RPS6KA2: variants seen among roughly 807,000 people sequenced by gnomAD.
RPS6KA2 encodes the protein ribosomal protein S6 kinase alpha-2.
Under a neutral mutation model 91.8 loss-of-function variants are expected in RPS6KA2, and 42 were observed. The ratio of observed to expected loss-of-function variants is 0.46; its 90% CI spans 0.36 to 0.59. The LOEUF is 0.59. Ranked by LOEUF, RPS6KA2 falls within the 20% of genes least tolerant of loss-of-function variation. The probability of loss-of-function intolerance (pLI) is 0.00; values close to 1 mark genes in which losing one functional copy is unlikely to be tolerated. For synonymous variants in RPS6KA2, 414 were observed against 393.6 expected (o/e 1.05, Z -0.61); for missense variants, 798 against 978.5 (o/e 0.82, Z 2.46).
chr6:166,439,185 G>A (rs1779440437), intron 14 of RPS6KA2, among the ~76,000 whole-genome samples: 1 of 152,132 alleles, frequency 6.6e-6, no homozygotes, highest in Non-Finnish European at 1.5e-5. Flanking sequence ...TCGGCTCACT[G>A]CAACTTCTGC....
chr6:166,683,856 TGG>T (rs1312787367), intron 2 of RPS6KA2, among the ~76,000 whole-genome samples: 1 of 152,182 alleles, frequency 6.6e-6, no homozygotes, highest in Non-Finnish European at 1.5e-5. Flanking sequence ...GAGAGGTCCT[TGG>T]GGTGTTCGGC....
intron 2 of RPS6KA2, among the ~76,000 whole-genome samples, chr6:166,653,104 A>G (rs1008729991): frequency 6.6e-6 from 1 of 152,240 alleles, no homozygotes; most frequent in African/African-American, 2.4e-5. Context: ...TCTGTCTCCC[A>G]GGCTGGAGTG....
intron 1 of RPS6KA2, among the ~76,000 whole-genome samples, chr6:166,614,612 A>C (rs941906482): frequency 6.6e-6 from 1 of 152,244 alleles, no homozygotes; most frequent in South Asian, 2.1e-4. Flanking sequence ...CCACAAATTC[A>C]GTGGTTTGAA....
At chr6:166,762,377 T>C (rs768093983) in intron 2 of RPS6KA2, among the ~76,000 whole-genome samples, 16 of 152,322 alleles carry the variant, frequency 1.1e-4, no homozygotes, top group Middle Eastern at 3.4e-3. Context: ...TGTGTGTTTG[T>C]ATGTCTATGC....
intron 2 of RPS6KA2, among the ~76,000 whole-genome samples, chr6:166,742,594 A>G (rs1359578098): frequency 6.6e-6 from 1 of 152,090 alleles, no homozygotes; most frequent in Non-Finnish European, 1.5e-5. Flanking sequence ...GACGGCTCTA[A>G]GCTGTACTGC....
At chr6:166,713,449 A>G (rs1277277739) in intron 2 of RPS6KA2, among the ~76,000 whole-genome samples, 1 of 152,252 alleles carries the variant, frequency 6.6e-6, no homozygotes, top group Non-Finnish European at 1.5e-5. Context: ...CTATGCAGAT[A>G]GACAGTGCAC....
intron 2 of RPS6KA2, among the ~76,000 whole-genome samples, chr6:166,824,359 CT>C (rs759481956): frequency 1.3e-5 from 2 of 152,234 alleles, no homozygotes; most frequent in East Asian, 1.9e-4. Flanking sequence ...AGATAGCAGC[CT>C]GTCCCCCTGG....
At chr6:166,858,063 T>G (rs937958671) in intron 2 of RPS6KA2, 12 of 695,568 alleles carry the variant, frequency 1.7e-5, no homozygotes, top group Non-Finnish European at 2.9e-5. Flanking sequence ...TTTGTGCATG[T>G]GTATGTATAG....
In RPS6KA2 at chr6:166,412,855, G is replaced by C. The variant is rs147673764; in HGVS notation, c.2109C>G (p.Asn703Lys). The C allele has an allele frequency of 6.4e-7, 1 of 1,566,500 alleles. No homozygotes were observed. ...CCAGCCGCGGGGCCTGAGGTGTTCT[G>C]TTTAGAGCAAAGTAGGTGGCGGCCA... ...GAMAATYFALNRTPQAPRLEP... is the reference protein window; with the variant it reads ...GAMAATYFALKRTPQAPRLEP... Residue 703 changes from asparagine to lysine, a missense_variant, in exon 21 of 21, where the codon AAC (asparagine) becomes AAG (lysine). Coordinates refer to ENST00000265678, the MANE Select transcript of RPS6KA2 (RefSeq NM_021135.6). The surrounding 1 kb of genome is among the most constrained non-coding windows in gnomAD (Gnocchi z 4.3).
intron 1 of RPS6KA2, among the ~76,000 whole-genome samples, chr6:166,584,814 G>T (rs1048238176): frequency 6.6e-6 from 1 of 152,248 alleles, no homozygotes; most frequent in Non-Finnish European, 1.5e-5. Flanking sequence ...CTCATGGAGA[G>T]ACCATGATTG....
chr6:166,645,578 G>A (rs2128551740), intron 2 of RPS6KA2, among the ~76,000 whole-genome samples: 1 of 152,260 alleles, frequency 6.6e-6, no homozygotes, highest in South Asian at 2.1e-4. Flanking sequence ...CTGGTTCCTA[G>A]GCTGGGTTAC....
At chr6:166,818,584 G>A (rs996304988) in intron 2 of RPS6KA2, among the ~76,000 whole-genome samples, 1 of 152,094 alleles carries the variant, frequency 6.6e-6, no homozygotes, top group Admixed American at 6.5e-5. Flanking sequence ...GATGCTTTCG[G>A]GCTGCACAGT....
At position 166,708,981 on chromosome 6, in the gene RPS6KA2, G is replaced by A. The variant is rs144524098; in HGVS notation, c.123+149219C>T. On this transcript the variant is annotated intron_variant, in intron 2 of 21. Coordinates refer to the RPS6KA2 transcript ENST00000503859. Reference sequence around the variant, plus strand: ...AGATATGAAATAGAAGTGACACACCGCTCCGTGTTGATATTCAAAGTAGAG... The same window carrying A: ...AGATATGAAATAGAAGTGACACACCACTCCGTGTTGATATTCAAAGTAGAG... Among the ~76,000 whole-genome samples the A allele has an allele frequency of 2.2e-4, 33 of 152,306 alleles. 1 individual carries two copies. The East Asian group carries it at 5.6e-3, about 26-fold the overall frequency.
chr6:166,853,852 T>C (rs1261810633), intron 2 of RPS6KA2, among the ~76,000 whole-genome samples: 1 of 152,200 alleles, frequency 6.6e-6, no homozygotes, highest in Non-Finnish European at 1.5e-5. Context: ...CGGTGCTCCT[T>C]TGCCTCAGTA....
chr6:166,727,433 C>T (rs1380487481), intron 2 of RPS6KA2, among the ~76,000 whole-genome samples: 1 of 152,000 alleles, frequency 6.6e-6, no homozygotes, highest in African/African-American at 2.4e-5. Context: ...TGCCTGGTGG[C>T]AGTGCTGCTC....
chr6:166,745,495 G>C (rs1432494085), intron 2 of RPS6KA2, among the ~76,000 whole-genome samples: 9 of 152,004 alleles, frequency 5.9e-5, no homozygotes, highest in Admixed American at 3.9e-4. Flanking sequence ...ATTGGACAAG[G>C]GCCCACCTTC....
chr6:166,759,527 G>A (rs927119203), intron 2 of RPS6KA2, among the ~76,000 whole-genome samples: 11 of 152,170 alleles, frequency 7.2e-5, no homozygotes, highest in Admixed American at 4.6e-4. Flanking sequence ...CTAGTCTCAC[G>A]AAATTTCGTC....
intron 6 of RPS6KA2, among the ~76,000 whole-genome samples, chr6:166,502,049 C>T (rs2294323): frequency 2.0e-5 from 3 of 151,962 alleles, no homozygotes; most frequent in South Asian, 2.1e-4. Context: ...AAGTGGATGG[C>T]GGGTGCCGGG....
intron 2 of RPS6KA2, among the ~76,000 whole-genome samples, chr6:166,768,845 T>C (rs1389006628): frequency 2.0e-5 from 3 of 152,178 alleles, no homozygotes; most frequent in Non-Finnish European, 4.4e-5. Context: ...GAGTTTAACC[T>C]ACTCCGGGCC....
Sources: allele counts gnomAD v4.1 joint callset (sites outside exome capture counted in the v4.1 genomes callset), GRCh38; gene constraint gnomAD v4.1.1; non-coding constraint Gnocchi (gnomAD v3.1); transcripts MANE v1.5; gene names NCBI Gene and HGNC (gene_info 2026-07-23, HGNC 2026-07-21).